Variants in VMAC observed in about 807,000 individuals in gnomAD.
VMAC encodes vimentin-type intermediate filament-associated coiled-coil protein.
Under a neutral mutation model 4.8 loss-of-function variants are expected in VMAC, and 8 were observed. The observed-to-expected ratio is 1.68, with a 90% CI of 0.99 to 3.03. The LOEUF is 3.03. VMAC is among the 30% of genes most tolerant of loss of function. The probability of loss-of-function intolerance (pLI) is 0.00; values close to 1 mark genes in which losing one functional copy is unlikely to be tolerated. For synonymous variants in VMAC, 96 were observed against 113.7 expected, an observed-to-expected ratio of 0.84 and a Z score of 0.99; for missense variants, 248 against 245.1, an observed-to-expected ratio of 1.01 and a Z score of -0.08.
In VMAC at chr19:5,908,822, A is replaced by G; in HGVS notation, c.192-2A>G. On this transcript the variant is annotated splice_acceptor_variant, in intron 1 of 1. Transcript: ENST00000339485. LOFTEE classifies it high-confidence loss of function. The surrounding 1 kb of genome is among the most constrained non-coding windows in gnomAD (Gnocchi z 4.5). ...AATCACCTCCTCTTGCCTTCCTGCC[A>G]GTGAGATTGCCACACTCCAGGAGCA... The G allele has an allele frequency of 6.2e-7, 1 of 1,613,374 alleles. No homozygotes were observed. Among genetic ancestry groups the G allele is most frequent in the East Asian group, 2.2e-5 (1 of 44,850 alleles).
chr19:5,904,873 T>C lies in VMAC; in HGVS notation c.-18T>C, dbSNP rs1389572355. ...GGCCGCCTGGGGGCGTGGCCGGGCC[T>C]GTACAGCAGCCTGGGCCATGTCGGC... On this transcript the variant is annotated 5_prime_UTR_variant, in exon 1 of 2. Coordinates refer to ENST00000339485, the MANE Select transcript of VMAC (RefSeq NM_001017921.4). 1.4e-6 allele frequency: 2 copies of C among 1,445,328 alleles called. No homozygotes were observed. The highest frequency in any genetic ancestry group is 2.5e-4 in the Middle Eastern group (1 of 4,058). 89.5% of individuals were successfully genotyped at this position (1,445,328 alleles called of 1,614,324 possible).
chr19:5,909,250 C>A lies in VMAC; in HGVS notation c.*108C>A. On this transcript the variant is annotated 3_prime_UTR_variant, in exon 2 of 2. Transcript: ENST00000339485. ...CCCTACGGCAGAGCCAAAGTCCTGTCTAAGCATCAGAACAGGCTGAACAGT... is the reference window on the plus strand; with the variant it reads ...CCCTACGGCAGAGCCAAAGTCCTGTATAAGCATCAGAACAGGCTGAACAGT... 1.6e-6 allele frequency: 2 copies of A among 1,286,384 alleles called. No individual in the cohort carries two copies. The highest frequency in any genetic ancestry group is 2.9e-5 in the South Asian group (2 of 70,016). 79.7% of individuals were successfully genotyped at this position (1,286,384 alleles called of 1,614,324 possible).
In VMAC at chr19:5,908,243, T is replaced by C. The variant is rs967428381; in HGVS notation, c.192-581T>C. Reference sequence around the variant, plus strand: ...CCTGTAAACCCAGCTACTCGGGAGGTTGAGGAGGACAGTTTGAACCTGGGA... The same window carrying C: ...CCTGTAAACCCAGCTACTCGGGAGGCTGAGGAGGACAGTTTGAACCTGGGA... On this transcript the variant is annotated intron_variant, in intron 1 of 1. Transcript: ENST00000339485. This position sits in a 1 kb window ranked among gnomAD's most constrained non-coding sequence, Gnocchi z 4.5. 1.3e-5 allele frequency among the ~76,000 whole-genome samples: 2 copies of C among 151,752 alleles called. No homozygotes were observed. Among genetic ancestry groups the C allele is most frequent in the African/African-American group, 4.8e-5 (2 of 41,260 alleles).
In VMAC at chr19:5,905,080, C is replaced by G; in HGVS notation, c.190C>G (p.Arg64Gly). The change falls in exon 1 of 2, where the codon CGT becomes GGT. Residue 64 changes from arginine (R) to glycine (G), a missense_variant and splice_region_variant. Arg to Gly is a moderately radical substitution (Grantham distance 125). Transcript: ENST00000339485. ...AGACGAACTGGGTCGCGCCAAGGAC[C>G]GGTGAGGCCCGGGGCCGGCCAGGTG... is the stretch of plus-strand genomic sequence containing the variant. ...ALDELGRAKD[R>G]EIATLQEQLM... The G allele has an allele frequency of 1.5e-6, 2 of 1,351,844 alleles. No homozygotes were observed. The highest frequency in any genetic ancestry group is 1.8e-5 in the South Asian group (1 of 54,486). The allele number at this position is 1,351,844 out of a possible 1,614,324, so 83.7% of individuals were successfully genotyped here. A position where few individuals can be genotyped will look rare whatever the true frequency, so the allele number is the denominator to read the frequency against.
Position 5,908,790 on chromosome 19 carries a change from G to T in VMAC, c.192-34G>T, listed in dbSNP as rs1173132304. ...GGAGGAGCAGGTGCTGTGGTCCTCA[G>T]TTCTGTAATCACCTCCTCTTGCCTT... On this transcript the variant is annotated intron_variant, in intron 1 of 1. Transcript: ENST00000339485. This position sits in a 1 kb window ranked among gnomAD's most constrained non-coding sequence, Gnocchi z 4.5. 2 of 1,611,072 alleles carry T rather than the reference G, an allele frequency of 1.2e-6. No individual in the cohort carries two copies. Among genetic ancestry groups the T allele is most frequent in the South Asian group, 2.2e-5 (2 of 90,916 alleles).
At position 5,909,235 on chromosome 19, in the gene VMAC, G is replaced by C. The variant is rs759902423; in HGVS notation, c.*93G>C. ...CACCCTGCAGGGGGACCCTACGGCAGAGCCAAAGTCCTGTCTAAGCATCAG... is the reference window on the plus strand; with the variant it reads ...CACCCTGCAGGGGGACCCTACGGCACAGCCAAAGTCCTGTCTAAGCATCAG... On this transcript the variant is annotated 3_prime_UTR_variant, in exon 2 of 2. Transcript: ENST00000339485. 5.0e-5 allele frequency: 69 copies of C among 1,382,626 alleles called. 1 individual carries two copies. The highest frequency in any genetic ancestry group is 6.6e-5 in the Non-Finnish European group (68 of 1,034,966). 85.6% of individuals were successfully genotyped at this position (1,382,626 alleles called of 1,614,324 possible). A position where few individuals can be genotyped will look rare whatever the true frequency, so the allele number is the denominator to read the frequency against.
intron 1 of VMAC, 86 bp downstream of exon 1, chr19:5,905,167 G>C (rs1321929247): frequency 7.7e-7 from 1 of 1,290,958 alleles, no homozygotes; most frequent in Non-Finnish European, 9.9e-7. Context: ...AGGGCAGGGG[G>C]AACCGTGTGC....
In VMAC at chr19:5,909,004, T is replaced by C. The variant is rs371879189; in HGVS notation, c.372T>C (p.Ala124=). 34 of 1,601,124 alleles carry C rather than the reference T, an allele frequency of 2.1e-5. No homozygotes were observed. In the Middle Eastern group the frequency reaches 6.6e-4, roughly 31 times the overall value. Residue 124 remains alanine (A), a synonymous_variant, in exon 2 of 2, where the codon GCT becomes GCC. Transcript: ENST00000339485. ...LAGLLDALAE[A]ERLGPLPASD... ...GGCTGCTGGATGCCCTGGCTGAGGC[T>C]GAGCGCCTGGGGCCCCTGCCGGCCA...
chr19:5,908,900 A>T lies in VMAC; in HGVS notation c.268A>T (p.Arg90Trp). 1 of 1,613,890 alleles carries T rather than the reference A, an allele frequency of 6.2e-7. No homozygotes were observed. The highest frequency in any genetic ancestry group is 8.5e-7 in the Non-Finnish European group (1 of 1,179,972). Residue 90 changes from arginine (R) to tryptophan (W), a missense_variant, in exon 2 of 2, where the codon AGG becomes TGG. Coordinates refer to ENST00000339485, the MANE Select transcript of VMAC (RefSeq NM_001017921.4). This position sits in a 1 kb window ranked among gnomAD's most constrained non-coding sequence, Gnocchi z 4.5. ...VHSLQATVHQ[R>W]DELIRQLQPR... ...CAGCCTGCAGGCCACCGTGCACCAG[A>T]GGGACGAGCTCATTAGGCAGTTGCA... is the stretch of plus-strand genomic sequence containing the variant.
intron 1 of VMAC, among the ~76,000 whole-genome samples, chr19:5,905,921 C>T (rs2057677404): frequency 6.6e-6 from 1 of 152,052 alleles, no homozygotes; most frequent in Non-Finnish European, 1.5e-5. Context: ...TCTTGAACTC[C>T]TGGGCTCAAG....
chr19:5,908,387 C>A lies in VMAC; in HGVS notation c.192-437C>A, dbSNP rs373587966. ...ATCCCAGCACTTTGAGAGGCCATGG[C>A]GGGTGGATCACGTGGTCAGGAGTTC... On this transcript the variant is annotated intron_variant, in intron 1 of 1. Coordinates refer to ENST00000339485, the MANE Select transcript of VMAC (RefSeq NM_001017921.4). The surrounding 1 kb of genome is among the most constrained non-coding windows in gnomAD (Gnocchi z 4.5). 6.6e-6 allele frequency among the ~76,000 whole-genome samples: 1 copy of A among 151,806 alleles called. No homozygotes were observed. The highest frequency in any genetic ancestry group is 1.5e-5 in the Non-Finnish European group (1 of 67,986).
chr19:5,906,644 G>C (rs1187546712), intron 1 of VMAC, among the ~76,000 whole-genome samples: 1 of 152,204 alleles, frequency 6.6e-6, no homozygotes. Context: ...CCCAGAGGAA[G>C]AGCCTACTAA....
chr19:5,908,773 A>C lies in VMAC; in HGVS notation c.192-51A>C. 1 of 1,593,410 alleles carries C rather than the reference A, an allele frequency of 6.3e-7. No homozygotes were observed. Among genetic ancestry groups the C allele is most frequent in the Non-Finnish European group, 8.6e-7 (1 of 1,167,676 alleles). ...TTGCGGGTCCAGAGCAGGGAGGAGC[A>C]GGTGCTGTGGTCCTCAGTTCTGTAA... On this transcript the variant is annotated intron_variant, in intron 1 of 1. Transcript: ENST00000339485. The surrounding 1 kb of genome is among the most constrained non-coding windows in gnomAD (Gnocchi z 4.5).
chr19:5,907,609 C>T (rs1426615396), intron 1 of VMAC, among the ~76,000 whole-genome samples: 1 of 4,890 alleles, frequency 2.0e-4, no homozygotes, highest in Admixed American at 3.3e-3. Context: ...CCTGTCTCTA[C>T]TAAAAAAAAA....
chr19:5,907,603 T>C (rs2057683045), intron 1 of VMAC, among the ~76,000 whole-genome samples: 1 of 13,806 alleles, frequency 7.2e-5, no homozygotes, highest in Non-Finnish European at 1.6e-4. Context: ...TGAAACCCTG[T>C]CTCTACTAAA....
At chr19:5,905,664 G>A (rs1378470793) in intron 1 of VMAC, among the ~76,000 whole-genome samples, 2 of 151,732 alleles carry the variant, frequency 1.3e-5, no homozygotes, top group African/African-American at 4.8e-5. Flanking sequence ...CAGGTGATCC[G>A]CCCGCCTCAG....
At chr19:5,907,865 A>T (rs2057684493) in intron 1 of VMAC, among the ~76,000 whole-genome samples, 1 of 151,954 alleles carries the variant, frequency 6.6e-6, no homozygotes, top group Admixed American at 6.6e-5. Context: ...CTGCCCTATA[A>T]AGAGGTTCCT....
chr19:5,910,673 G>C lies in VMAC; in HGVS notation c.*1531G>C, dbSNP rs1182757349. On this transcript the variant is annotated 3_prime_UTR_variant, in exon 2 of 2. Coordinates refer to ENST00000339485, the MANE Select transcript of VMAC (RefSeq NM_001017921.4). The stretch of plus-strand genomic sequence containing the variant: ...AGACAGAGTGAGACTCAGTCTCAAA[G>C]AAAACAACAACAACAACAACAACAA... The C allele has an allele frequency of 7.2e-5, 6 of 83,638 alleles. No individual in the cohort carries two copies. Among genetic ancestry groups the C allele is most frequent in the Non-Finnish European group, 1.4e-4 (6 of 43,446 alleles). The allele number at this position is 83,638 out of a possible 1,614,324, so 5.2% of individuals were successfully genotyped here. A position where few individuals can be genotyped will look rare whatever the true frequency, so the allele number is the denominator to read the frequency against.
At chr19:5,906,919 C>T (rs1285752979) in intron 1 of VMAC, among the ~76,000 whole-genome samples, 3 of 152,106 alleles carry the variant, frequency 2.0e-5, no homozygotes, top group East Asian at 3.9e-4. Context: ...CCCAGCTACT[C>T]GGGAGGTTGA....
Sources: allele counts gnomAD v4.1 joint callset (sites outside exome capture counted in the v4.1 genomes callset), GRCh38; gene constraint gnomAD v4.1.1; non-coding constraint Gnocchi (gnomAD v3.1); transcripts MANE v1.5; gene names NCBI Gene and HGNC (gene_info 2026-07-23, HGNC 2026-07-21).